The following DDHD1 variants were observed in gnomAD, a reference collection of about 807,000 sequenced individuals.
The protein encoded by DDHD1 is phospholipase DDHD1.
Under a neutral mutation model 96.4 loss-of-function variants are expected in DDHD1, and 49 were observed. That is an observed-to-expected ratio of 0.51 (90% CI 0.40 to 0.64). The LOEUF is 0.64. DDHD1 is among the 30% of genes least tolerant of loss of function. The probability of loss-of-function intolerance (pLI) is 0.00; values close to 1 mark genes in which losing one functional copy is unlikely to be tolerated. For missense variants in DDHD1, 1,106 were observed against 1,161.2 expected (o/e 0.95, Z 0.69); for synonymous variants, 442 against 446.5 (o/e 0.99, Z 0.13).
chr14:53,138,390 C>T (rs1344183570), intron 1 of DDHD1, among the ~76,000 whole-genome samples: 2 of 152,188 alleles, frequency 1.3e-5, no homozygotes, highest in Non-Finnish European at 2.9e-5. Context: ...AATTGTGCCA[C>T]TGCACTCCAG....
At chr14:53,130,673 GT>G (rs1246253056) in intron 1 of DDHD1, among the ~76,000 whole-genome samples, 1 of 152,212 alleles carries the variant, frequency 6.6e-6, no homozygotes, top group South Asian at 2.1e-4. Context: ...CTTGCTTCAA[GT>G]GCCGAAAATG....
In DDHD1 at chr14:53,062,815, T is replaced by C. The variant is rs1883703733; in HGVS notation, c.1766+128A>G. 7 of 934,992 alleles carry C rather than the reference T, an allele frequency of 7.5e-6. No homozygotes were observed. In the East Asian group the frequency reaches 1.9e-4, roughly 25 times the overall value. The allele number at this position is 934,992 out of a possible 1,614,324, so 57.9% of individuals were successfully genotyped here. ...CAGTCTCCAGCTTGATTAGGCATGC[T>C]ATATAGTAATCTTTGTATCTTGAAC... On this transcript the variant is annotated intron_variant, in intron 7 of 12. Transcript: ENST00000673822.
At chr14:53,100,908 C>T (rs899702211) in intron 2 of DDHD1, among the ~76,000 whole-genome samples, 1 of 152,136 alleles carries the variant, frequency 6.6e-6, no homozygotes, top group Non-Finnish European at 1.5e-5. Flanking sequence ...TGACTGTCTA[C>T]TACTATGTCT....
chr14:53,115,477 G>A (rs1366546214), intron 1 of DDHD1, among the ~76,000 whole-genome samples: 1 of 152,200 alleles, frequency 6.6e-6, no homozygotes, highest in Non-Finnish European at 1.5e-5. Flanking sequence ...CATCCAGAGA[G>A]AAAGGTCAGG....
At chr14:53,125,314 G>A (rs1889341821) in intron 1 of DDHD1, among the ~76,000 whole-genome samples, 1 of 152,052 alleles carries the variant, frequency 6.6e-6, no homozygotes, top group South Asian at 2.1e-4. Context: ...GTGGATCTAG[G>A]CAATGCAGAA....
intron 4 of DDHD1, among the ~76,000 whole-genome samples, chr14:53,076,924 G>A (rs1885009332): frequency 6.6e-6 from 1 of 152,172 alleles, no homozygotes; most frequent in Non-Finnish European, 1.5e-5. Flanking sequence ...ACAGTGTCGT[G>A]TAAACATAAC....
rs1429329132 is a variant in DDHD1, at chr14:53,102,951, G to A, written c.1012+732C>T. The A allele has an allele frequency of 1.0e-5, 14 of 1,367,682 alleles. No homozygotes were observed. The South Asian group carries it at 1.4e-4, about 14-fold the overall frequency. The allele number at this position is 1,367,682 out of a possible 1,614,324, so 84.7% of individuals were successfully genotyped here. On this transcript the variant is annotated intron_variant, in intron 2 of 12. Transcript: ENST00000673822. ...CAAGAAACCTCCCAAATAAAGACTA[G>A]CATGGATGAAGAAACGGTTTTAGAA...
chr14:53,077,967 C>T (rs1885120188), intron 4 of DDHD1, among the ~76,000 whole-genome samples: 3 of 152,092 alleles, frequency 2.0e-5, no homozygotes, highest in Admixed American at 2.0e-4. Context: ...TACTTCATTG[C>T]TTTTCATTGT....
intron 1 of DDHD1, among the ~76,000 whole-genome samples, chr14:53,107,730 G>GC (rs1485218160): frequency 6.6e-6 from 1 of 152,176 alleles, no homozygotes; most frequent in Admixed American, 6.5e-5. Context: ...GGCGGAGGTT[G>GC]CAGTGAGCTG....
At position 53,093,374 on chromosome 14, in the gene DDHD1, A is replaced by G; in HGVS notation, c.1083T>C (p.Ser361=). Residue 361 remains serine, a synonymous_variant, in exon 3 of 13, where the codon AGT becomes AGC. Transcript: ENST00000673822. ...WHSVDEVYLY[S]DATTSKIART... ...TTGCAATTTTAGATGTTGTTGCATC[A>G]CTATAAAGATATACTTCATCCACAC... The G allele has an allele frequency of 1.9e-6, 3 of 1,612,766 alleles. No homozygotes were observed. Among genetic ancestry groups the G allele is most frequent in the Non-Finnish European group, 2.5e-6 (3 of 1,179,594 alleles).
In DDHD1 at chr14:53,058,742, T is replaced by C. The variant is rs1883283744; in HGVS notation, c.1843-116A>G. On this transcript the variant is annotated intron_variant, in intron 8 of 12. Coordinates refer to ENST00000673822, the MANE Select transcript of DDHD1 (RefSeq NM_001160148.2). ...AAATAATAAAATATCTTTGAGTATA[T>C]TCGTTTTTAATAAGAGTTATCCAGA... is the stretch of plus-strand genomic sequence containing the variant. 3.1e-6 allele frequency: 3 copies of C among 961,116 alleles called. No homozygotes were observed. In the Admixed American group the frequency reaches 9.3e-5, roughly 30 times the overall value. 59.5% of individuals were successfully genotyped at this position (961,116 alleles called of 1,614,324 possible).
At chr14:53,112,631 T>C (rs1479076123) in intron 1 of DDHD1, among the ~76,000 whole-genome samples, 1 of 152,196 alleles carries the variant, frequency 6.6e-6, no homozygotes, top group Non-Finnish European at 1.5e-5. Context: ...TACTTATCAA[T>C]CTGCTTAAAA....
chr14:53,113,383 T>A (rs1167708876), intron 1 of DDHD1, among the ~76,000 whole-genome samples: 4 of 63,976 alleles, frequency 6.3e-5, no homozygotes, highest in African/African-American at 1.4e-4. Context: ...AAAACCCCTG[T>A]ACAAGCCAAA....
intron 6 of DDHD1, among the ~76,000 whole-genome samples, chr14:53,063,910 C>T (rs1050789964): frequency 2.6e-5 from 4 of 152,040 alleles, no homozygotes; most frequent in Admixed American, 2.0e-4. Flanking sequence ...TAAGCTTTAA[C>T]AAATATTACT....
chr14:53,090,236 G>A (rs1886319863), intron 4 of DDHD1, among the ~76,000 whole-genome samples: 1 of 152,194 alleles, frequency 6.6e-6, no homozygotes, highest in South Asian at 2.1e-4. Flanking sequence ...AGGTGCTGGA[G>A]AGGATGTGGA....
At chr14:53,149,786 T>C (rs1370448087) in intron 1 of DDHD1, 1 of 152,204 alleles carries the variant, frequency 6.6e-6, no homozygotes, top group Non-Finnish European at 1.5e-5. Flanking sequence ...CCACATTACC[T>C]TTAGGTTAAC....
chr14:53,144,084 G>A (rs148909391), intron 1 of DDHD1, among the ~76,000 whole-genome samples: 28 of 152,330 alleles, frequency 1.8e-4, no homozygotes, highest in African/African-American at 6.0e-4. Flanking sequence ...AGACATAGTA[G>A]CACCTTTCTC....
chr14:53,067,872 T>C (rs1393800164), intron 6 of DDHD1, among the ~76,000 whole-genome samples: 8 of 152,226 alleles, frequency 5.3e-5, no homozygotes, highest in Admixed American at 5.2e-4. Flanking sequence ...TTGTATTCCA[T>C]TTGCTTTATT....
At position 53,037,079 on chromosome 14, in the gene DDHD1, C is replaced by T. The variant is rs1443118395; in HGVS notation, c.*9689G>A. The T allele has an allele frequency of 6.6e-6, 1 of 152,096 alleles. No homozygotes were observed. Among genetic ancestry groups the T allele is most frequent in the Non-Finnish European group, 1.5e-5 (1 of 68,004 alleles). The allele number at this position is 152,096 out of a possible 1,614,324, so 9.4% of individuals were successfully genotyped here. Reference sequence around the variant, plus strand: ...TTAGATTATGGCTTCCAGCTGTATCCATGTGGCTGGCTGCAAAGGACATGA... The same window carrying T: ...TTAGATTATGGCTTCCAGCTGTATCTATGTGGCTGGCTGCAAAGGACATGA... On this transcript the variant is annotated 3_prime_UTR_variant, in exon 13 of 13. Transcript: ENST00000673822.
Sources: gnomAD v4.1 joint callset for allele counts (sites outside exome capture counted in the v4.1 genomes callset) on GRCh38, gnomAD v4.1.1 for gene constraint, MANE v1.5 for transcripts, NCBI Gene and HGNC (gene_info 2026-07-23, HGNC 2026-07-21) for gene names.